RBM48: variants seen among roughly 807,000 people sequenced by gnomAD.
RBM48 encodes RNA-binding protein 48.
A neutral mutation model predicts 34.8 loss-of-function variants in RBM48; 32 were observed. The ratio of observed to expected loss-of-function variants is 0.92; its 90% confidence interval spans 0.69 to 1.23. The LOEUF (loss-of-function observed/expected upper bound fraction) is 1.23, where lower values mean the gene tolerates loss of function less well. Ranked by LOEUF, RBM48 falls within the 50% of genes most tolerant of loss-of-function variation. The pLI is 0.00. For missense variants in RBM48, 441 were observed against 447.2 expected (o/e 0.99, Z 0.12); for synonymous variants, 151 against 156.2 (o/e 0.97, Z 0.25).
In RBM48 at chr7:92,529,517, A is replaced by G; in HGVS notation, c.153A>G (p.Gln51=). Residue 51 remains glutamine (Q), a synonymous_variant, in exon 2 of 5, where the codon CAA becomes CAG. Transcript: ENST00000265732. Reference sequence around the variant, plus strand: ...TGGAATCTCAGTACTTATTAATACAAGGAGTTCCTGCTGTGGGAGTCATGA... The same window carrying G: ...TGGAATCTCAGTACTTATTAATACAGGGAGTTCCTGCTGTGGGAGTCATGA... ...INLESQYLLI[Q]GVPAVGVMKE... is the part of the protein sequence containing the mutation. The G allele has an allele frequency of 6.2e-7, 1 of 1,610,048 alleles. No individual in the cohort carries two copies. The highest frequency in any genetic ancestry group is 1.1e-5 in the South Asian group (1 of 90,510).
At chr7:92,535,875 C>T (rs1408817345) in intron 4 of RBM48, 2 of 938,436 alleles carry the variant, frequency 2.1e-6, no homozygotes, top group Non-Finnish European at 2.5e-6. Flanking sequence ...TGCCTCACAC[C>T]AATAACTTCA....
In RBM48 at chr7:92,539,588, A is replaced by G. The variant is rs537487933; in HGVS notation, c.*2651A>G. ...GTGGCAAATGCCTATAATCCCAGCT[A>G]CTCGGGAGGCTGAGGCATGAGAATT... On this transcript the variant is annotated 3_prime_UTR_variant, in exon 5 of 5. Transcript: ENST00000265732. 7.2e-5 allele frequency among the ~76,000 whole-genome samples: 11 copies of G among 152,258 alleles called. No homozygotes were observed. Among genetic ancestry groups the G allele is most frequent in the African/African-American group, 2.6e-4 (11 of 41,550 alleles).
At chr7:92,535,534 A>G (rs1213663481) in intron 4 of RBM48, 34 of 985,594 alleles carry the variant, frequency 3.4e-5, no homozygotes, top group Admixed American at 6.2e-5. Context: ...TGTCATTTAC[A>G]TAATCATTTT....
chr7:92,539,013 A>AGAT lies in RBM48; in HGVS notation c.*2077_*2079dup. 6.6e-6 allele frequency among the ~76,000 whole-genome samples: 1 copy of AGAT among 152,326 alleles called. No homozygotes were observed. The highest frequency in any genetic ancestry group is 2.4e-5 in the African/African-American group (1 of 41,572). ...TGTCAAGCAGCAAAACAAAACAAAAAGATTCAAATTAAGTTGGTTTGGGTG... is the reference window on the plus strand; with the variant it reads ...TGTCAAGCAGCAAAACAAAACAAAAAGATGATTCAAATTAAGTTGGTTTGGGTG... On this transcript the variant is annotated 3_prime_UTR_variant, in exon 5 of 5. Transcript: ENST00000265732.
rs1469527141 is a variant in RBM48, at chr7:92,539,770, A to G, written c.*2833A>G. On this transcript the variant is annotated 3_prime_UTR_variant, in exon 5 of 5. Transcript: ENST00000265732. ...AAGGAAGAACATGTAAGGCAATTTT[A>G]TGAGCCAAATCAATTATTAGACTGA... 1.3e-5 allele frequency among the ~76,000 whole-genome samples: 2 copies of G among 152,248 alleles called. No homozygotes were observed. Among genetic ancestry groups the G allele is most frequent in the African/African-American group, 4.8e-5 (2 of 41,480 alleles).
chr7:92,534,057 G>A (rs968579003), intron 3 of RBM48, among the ~76,000 whole-genome samples: 1 of 151,322 alleles, frequency 6.6e-6, no homozygotes, highest in Non-Finnish European at 1.5e-5. Flanking sequence ...GAGGTGCAGA[G>A]AAATGCGTAT....
chr7:92,535,118 G>T, intron 4 of RBM48, 148 bp downstream of exon 4: 1 of 1,456,114 alleles, frequency 6.9e-7, no homozygotes, highest in South Asian at 1.5e-5. Flanking sequence ...TGAAATAACT[G>T]AATTTGGCTA....
intron 4 of RBM48, chr7:92,536,159 A>G: frequency 1.0e-6 from 1 of 985,414 alleles, no homozygotes; most frequent in Non-Finnish European, 1.2e-6. Flanking sequence ...TTGTGCTGCC[A>G]CCCTTACTTC....
rs747395056 is a variant in RBM48, at chr7:92,539,349, A to C, written c.*2412A>C. 6.6e-6 allele frequency among the ~76,000 whole-genome samples: 1 copy of C among 152,234 alleles called. No homozygotes were observed. Among genetic ancestry groups the C allele is most frequent in the Non-Finnish European group, 1.5e-5 (1 of 68,036 alleles). ...ACAGGGAGACAAATAAATTAAAGAG[A>C]TGAGTTGAGGTGGATAAGGATAGCT... On this transcript the variant is annotated 3_prime_UTR_variant, in exon 5 of 5. Coordinates refer to ENST00000265732, the MANE Select transcript of RBM48 (RefSeq NM_032120.4).
At chr7:92,535,369 C>T in intron 4 of RBM48, 1 of 1,080,416 alleles carries the variant, frequency 9.3e-7, no homozygotes, top group Non-Finnish European at 1.1e-6. Flanking sequence ...CAGTTTATAT[C>T]AAATTCAAAA....
rs371839158 is a variant in RBM48, at chr7:92,536,900, A to G, written c.1067A>G (p.His356Arg). 26 of 1,609,992 alleles carry G rather than the reference A, an allele frequency of 1.6e-5. 1 individual carries two copies. In the African/African-American group the frequency reaches 3.1e-4, roughly 19 times the overall value. Residue 356 changes from histidine to arginine, a missense_variant, in exon 5 of 5, where the codon CAT becomes CGT. Physicochemically the swap from His to Arg is conservative, Grantham distance 29. Transcript: ENST00000265732. ...KPPEDKPEDV[H>R]TSHPLKQRRR... is the part of the protein sequence containing the mutation. ...CCAGAGGACAAGCCAGAAGATGTAC[A>G]TACAAGTCATCCATTAAAACAAAGA...
At chr7:92,532,282 A>G (rs1472643847) in intron 2 of RBM48, 122 bp from the exon 3 acceptor site, 1 of 764,996 alleles carries the variant, frequency 1.3e-6, no homozygotes, top group Non-Finnish European at 2.2e-6. Flanking sequence ...AATCCACAGG[A>G]TATATATACA....
chr7:92,531,860 T>C (rs2116318014), intron 2 of RBM48, among the ~76,000 whole-genome samples: 1 of 152,246 alleles, frequency 6.6e-6, no homozygotes, highest in East Asian at 1.9e-4. Flanking sequence ...TCCCTGGATA[T>C]AGAAGTAGTT....
chr7:92,530,521 C>T (rs1006911119), intron 2 of RBM48, among the ~76,000 whole-genome samples: 10 of 150,968 alleles, frequency 6.6e-5, no homozygotes, highest in African/African-American at 9.8e-5. Flanking sequence ...TCTGGTTTGA[C>T]GCCAGGCACG....
rs1793755385 is a variant in RBM48, at chr7:92,537,675, A to G, written c.*738A>G. The G allele has an allele frequency of 1.3e-5, 2 of 152,232 alleles. No homozygotes were observed. The highest frequency in any genetic ancestry group is 4.1e-4 in the South Asian group (2 of 4,834). The allele number at this position is 152,232 out of a possible 1,614,324, so 9.4% of individuals were successfully genotyped here. On this transcript the variant is annotated 3_prime_UTR_variant, in exon 5 of 5. Transcript: ENST00000265732. The stretch of plus-strand genomic sequence containing the variant: ...ATTAGAACCTTATATGCTTTAAATA[A>G]CTTTTAAGAATTTGCTTGACCTGTG...
rs775063015 is a variant in RBM48 at position 92,537,822 on chromosome 7, CTATTT to C, written c.*887_*891del. ...AAATTTCAGTACATCTAGACTGTCT[CTATTT>C]TCTTTTTCTTTTTTTATTTTTAGTA... On this transcript the variant is annotated 3_prime_UTR_variant, in exon 5 of 5. Coordinates refer to ENST00000265732, the MANE Select transcript of RBM48 (RefSeq NM_032120.4). The C allele has an allele frequency of 3.3e-5, 5 of 152,242 alleles. No homozygotes were observed. The highest frequency in any genetic ancestry group is 7.4e-5 in the Non-Finnish European group (5 of 68,012). 9.4% of individuals were successfully genotyped at this position (152,242 alleles called of 1,614,324 possible). A position where few individuals can be genotyped will look rare whatever the true frequency, so the allele number is the denominator to read the frequency against.
chr7:92,536,501 C>T (rs1209797657), intron 4 of RBM48: 15 of 991,428 alleles, frequency 1.5e-5, no homozygotes, highest in African/African-American at 1.7e-5. Flanking sequence ...ATCTATCAAA[C>T]GTTATCAGTG....
rs1445293312 is a variant in RBM48, at chr7:92,538,343, A to C, written c.*1406A>C. Among the ~76,000 whole-genome samples, 1 of 152,142 alleles carries C rather than the reference A, an allele frequency of 6.6e-6. No homozygotes were observed. Among genetic ancestry groups the C allele is most frequent in the African/African-American group, 2.4e-5 (1 of 41,424 alleles). On this transcript the variant is annotated 3_prime_UTR_variant, in exon 5 of 5. Coordinates refer to ENST00000265732, the MANE Select transcript of RBM48 (RefSeq NM_032120.4). ...ACACATGGTTAGAGTTGGGGGGTTA[A>C]TCTTTAACCTCAGGCCTGGTCAGTG...
At chr7:92,535,786 G>A in intron 4 of RBM48, 2 of 971,836 alleles carry the variant, frequency 2.1e-6, no homozygotes, top group South Asian at 9.5e-5. Context: ...TCTGATTAAA[G>A]GTATTATTTA....
Sources: allele counts gnomAD v4.1 joint callset (sites outside exome capture counted in the v4.1 genomes callset), GRCh38; gene constraint gnomAD v4.1.1; transcripts MANE v1.5; gene names NCBI Gene and HGNC (gene_info 2026-07-23, HGNC 2026-07-21).